The following POLD3 variants were observed in gnomAD, a reference collection of about 807,000 sequenced individuals.
The protein encoded by POLD3 is DNA polymerase delta subunit 3.
POLD3 carries 19 observed loss-of-function variants against 58.2 expected under a neutral mutation model. The ratio of observed to expected loss-of-function variants is 0.33; its 90% CI spans 0.23 to 0.48. POLD3 has a LOEUF of 0.48. Ranked by LOEUF, POLD3 falls within the 20% of genes least tolerant of loss-of-function variation. The pLI is 0.99. For missense variants in POLD3, 504 were observed against 545.5 expected, an observed-to-expected ratio of 0.92 and a Z score of 0.76; for synonymous variants, 172 against 193.5, an observed-to-expected ratio of 0.89 and a Z score of 0.92.
At chr11:74,599,873 T>G (rs907494296) in intron 2 of POLD3, among the ~76,000 whole-genome samples, 4 of 152,092 alleles carry the variant, frequency 2.6e-5, no homozygotes, top group Non-Finnish European at 5.9e-5. Context: ...GAGGGAAGAT[T>G]AATGAATTAA....
intron 7 of POLD3, among the ~76,000 whole-genome samples, chr11:74,624,281 A>G (rs909759521): frequency 6.6e-6 from 1 of 152,188 alleles, no homozygotes; most frequent in Non-Finnish European, 1.5e-5. Context: ...ATACTTGAGA[A>G]CAACAGTTGA....
intron 6 of POLD3, 123 bp downstream of exon 6, chr11:74,618,927 A>G (rs2032166123): frequency 7.0e-6 from 6 of 853,824 alleles, no homozygotes; most frequent in South Asian, 3.7e-5. Flanking sequence ...TGATTTTTCT[A>G]CTTTAGTTTG....
intron 2 of POLD3, among the ~76,000 whole-genome samples, chr11:74,595,982 T>C (rs1042717908): frequency 4.6e-5 from 7 of 151,816 alleles, no homozygotes; most frequent in African/African-American, 1.7e-4. Flanking sequence ...TTGTTGCTTA[T>C]GCTTTTTTAA....
chr11:74,641,543 T>C lies in POLD3; in HGVS notation c.*777T>C. The C allele has an allele frequency of 1.0e-6, 1 of 985,490 alleles. No homozygotes were observed. Among genetic ancestry groups the C allele is most frequent in the Non-Finnish European group, 1.2e-6 (1 of 829,946 alleles). The allele number at this position is 985,490 out of a possible 1,614,324, so 61.0% of individuals were successfully genotyped here. ...GATATTGGAGGAGCTGCCGTGCTGCTGATACGGGGTGTGCTTTATGCTGCT... is the reference window on the plus strand; with the variant it reads ...GATATTGGAGGAGCTGCCGTGCTGCCGATACGGGGTGTGCTTTATGCTGCT... On this transcript the variant is annotated 3_prime_UTR_variant, in exon 12 of 12. Coordinates refer to ENST00000263681, the MANE Select transcript of POLD3 (RefSeq NM_006591.3).
intron 4 of POLD3, among the ~76,000 whole-genome samples, chr11:74,663,322 C>G (rs929462958): frequency 6.6e-6 from 1 of 152,172 alleles, no homozygotes; most frequent in East Asian, 1.9e-4. Flanking sequence ...TCAATAGGTT[C>G]AAAGCAATGC....
At position 74,662,334 on chromosome 11, in the gene POLD3, A is replaced by G. The variant is rs116805076; in HGVS notation, c.370-6443A>G. On this transcript the variant is annotated intron_variant, in intron 4 of 4. Transcript: ENST00000524752. ...ATGTCTCAGAGTCTCACCAAGGCCC[A>G]TGGCGTACTACCTGGTTATTGCTGC... 6.6e-3 allele frequency among the ~76,000 whole-genome samples: 1,009 copies of G among 152,150 alleles called. 12 individuals carry two copies. Among genetic ancestry groups the G allele is most frequent in the African/African-American group, 0.023 (952 of 41,504 alleles).
At chr11:74,665,463 C>T (rs572550069) in intron 4 of POLD3, among the ~76,000 whole-genome samples, 18 of 132,668 alleles carry the variant, frequency 1.4e-4, no homozygotes, top group African/African-American at 4.7e-4. Flanking sequence ...TACAGTGGCA[C>T]GATGTCGACT....
intron 4 of POLD3, among the ~76,000 whole-genome samples, chr11:74,664,380 C>T (rs1430874348): frequency 6.6e-6 from 1 of 152,188 alleles, no homozygotes; most frequent in Non-Finnish European, 1.5e-5. Context: ...TATCTATCAA[C>T]AGGTGAATGG....
chr11:74,629,100 C>T (rs2032511743), intron 8 of POLD3, 117 bp from the exon 9 acceptor site: 2 of 629,780 alleles, frequency 3.2e-6, no homozygotes, highest in East Asian at 2.9e-5. Flanking sequence ...ATTTGGCCGT[C>T]CTTTTCTACC....
chr11:74,614,828 C>T (rs1424933080), intron 5 of POLD3, among the ~76,000 whole-genome samples: 1 of 151,962 alleles, frequency 6.6e-6, no homozygotes, highest in Non-Finnish European at 1.5e-5. Context: ...CTGGCTTGGG[C>T]AGCTGGGTAC....
intron 7 of POLD3, among the ~76,000 whole-genome samples, chr11:74,621,682 C>T (rs920378649): frequency 6.6e-6 from 1 of 151,990 alleles, no homozygotes; most frequent in Non-Finnish European, 1.5e-5. Context: ...AGGTCCCTGC[C>T]CTCAAGTCCT....
chr11:74,655,391 G>A (rs1378298707), intron 4 of POLD3, among the ~76,000 whole-genome samples: 1 of 152,230 alleles, frequency 6.6e-6, no homozygotes, highest in Non-Finnish European at 1.5e-5. Flanking sequence ...GAGGGGAAAT[G>A]TCAGATTTCA....
chr11:74,629,788 A>G (rs1456431699), intron 9 of POLD3, among the ~76,000 whole-genome samples: 1 of 152,114 alleles, frequency 6.6e-6, no homozygotes, highest in East Asian at 1.9e-4. Flanking sequence ...GCTGTGGGCA[A>G]TGTTGTAAGA....
chr11:74,600,243 C>A (rs2031442259), intron 2 of POLD3, among the ~76,000 whole-genome samples: 1 of 152,076 alleles, frequency 6.6e-6, no homozygotes, highest in Non-Finnish European at 1.5e-5. Flanking sequence ...TGTGCCCAGC[C>A]TGTTGTCATT....
intron 4 of POLD3, among the ~76,000 whole-genome samples, chr11:74,651,336 A>G (rs1329101307): frequency 6.6e-6 from 1 of 152,216 alleles, no homozygotes; most frequent in Non-Finnish European, 1.5e-5. Flanking sequence ...GGTTGAAAGC[A>G]TTAGTTCTCT....
At chr11:74,626,988 A>G (rs2032450489) in intron 8 of POLD3, among the ~76,000 whole-genome samples, 1 of 152,326 alleles carries the variant, frequency 6.6e-6, no homozygotes. Context: ...AATACTTGAT[A>G]ATAAAAATGA....
intron 4 of POLD3, among the ~76,000 whole-genome samples, chr11:74,663,626 C>T (rs1591331454): frequency 2.0e-5 from 3 of 152,116 alleles, no homozygotes; most frequent in Admixed American, 6.6e-5. Flanking sequence ...GTTCAACAAA[C>T]GATGCTGGAA....
intron 2 of POLD3, among the ~76,000 whole-genome samples, chr11:74,600,710 C>CTTT (rs57206403): frequency 1.3e-4 from 8 of 63,048 alleles, no homozygotes; most frequent in Admixed American, 2.1e-4. Context: ...GAATTCTTTC[C>CTTT]TTTTTTTTTT....
At chr11:74,601,649 A>T (rs1389016840) in intron 2 of POLD3, among the ~76,000 whole-genome samples, 1 of 152,182 alleles carries the variant, frequency 6.6e-6, no homozygotes, top group Non-Finnish European at 1.5e-5. Flanking sequence ...ATAACCAGGC[A>T]TGGTAGCATG....
Sources: gnomAD v4.1 joint callset for allele counts (sites outside exome capture counted in the v4.1 genomes callset) on GRCh38, gnomAD v4.1.1 for gene constraint, MANE v1.5 for transcripts, NCBI Gene and HGNC (gene_info 2026-07-23, HGNC 2026-07-21) for gene names.